SLC4A8: variants seen among roughly 807,000 people sequenced by gnomAD.
SLC4A8 encodes the protein electroneutral sodium bicarbonate exchanger 1.
In SLC4A8, 40 loss-of-function variants were observed where a neutral mutation model predicts 125.0. The ratio of observed to expected loss-of-function variants is 0.32; its 90% confidence interval spans 0.25 to 0.42. The LOEUF (loss-of-function observed/expected upper bound fraction) is 0.42, where lower values mean the gene tolerates loss of function less well. SLC4A8 is among the 10% of genes least tolerant of loss of function. The pLI is 1.00. For synonymous variants in SLC4A8, 456 were observed against 476.0 expected, an observed-to-expected ratio of 0.96 and a Z score of 0.55; for missense variants, 863 against 1,355.1, an observed-to-expected ratio of 0.64 and a Z score of 5.70.
At chr12:51,452,964 G>T (rs1950014343) in intron 4 of SLC4A8, among the ~76,000 whole-genome samples, 1 of 152,172 alleles carries the variant, frequency 6.6e-6, no homozygotes, top group Non-Finnish European at 1.5e-5. Flanking sequence ...CTCTTGCTGG[G>T]TGCCTGCTGT....
At chr12:51,457,870 A>C (rs1297881891) in intron 6 of SLC4A8, among the ~76,000 whole-genome samples, 2 of 152,196 alleles carry the variant, frequency 1.3e-5, no homozygotes, top group Non-Finnish European at 2.9e-5. Flanking sequence ...AGGAGCAAAC[A>C]AATATCTTAG....
At chr12:51,423,307 A>G (rs746642362), upstream of SLC4A8, among the ~76,000 whole-genome samples, 4 of 152,172 alleles carry the variant, frequency 2.6e-5, no homozygotes. Flanking sequence ...TGTTAGGGGT[A>G]TCAGGGACAG....
intron 16 of SLC4A8, among the ~76,000 whole-genome samples, chr12:51,476,906 C>CTTTTTTTTTTTTTTTTTTTTTTTTTT (rs67928969): frequency 8.4e-6 from 1 of 118,538 alleles, no homozygotes; most frequent in Non-Finnish European, 1.8e-5. Flanking sequence ...TTTTTCTTTT[C>CTTTTTTTTTTTTTTTTTTTTTTTTTT]TTTTTTTTTT....
chr12:51,462,054 C>T, intron 9 of SLC4A8: 1 of 359,864 alleles, frequency 2.8e-6, no homozygotes, highest in Non-Finnish European at 5.0e-6. Context: ...CATAATTGTA[C>T]AACTTTAGAC....
chr12:51,400,777 TAC>T (rs1167144192), intron 1 of SLC4A8, among the ~76,000 whole-genome samples: 2,605 of 9,922 alleles, frequency 0.26, 435 homozygotes, highest in Non-Finnish European at 0.32. Context: ...TATATATATA[TAC>T]ATACATACAC....
chr12:51,483,071 G>A (rs559779582), intron 16 of SLC4A8, among the ~76,000 whole-genome samples: 5 of 152,256 alleles, frequency 3.3e-5, no homozygotes, highest in African/African-American at 1.2e-4. Flanking sequence ...CCCAGGTATT[G>A]TTGAGTCTGT....
chr12:51,453,584 G>A lies in SLC4A8; in HGVS notation c.459G>A (p.Trp153Ter). 6.2e-7 allele frequency: 1 copy of A among 1,614,214 alleles called. No homozygotes were observed. The highest frequency in any genetic ancestry group is 8.5e-7 in the Non-Finnish European group (1 of 1,180,028). ...EEDVEDGGER[W>*]SKPYVATLSL... is the part of the protein sequence containing the mutation. ...ATGTTGAAGATGGGGGAGAACGCTG[G>A]AGCAAGCCTTATGTGGCAACCCTTT... The change falls in exon 5 of 25, where the codon TGG (tryptophan) becomes TGA (stop). Residue 153 changes from tryptophan (W) to a stop codon, truncating the protein, a stop_gained. Transcript: ENST00000453097. LOFTEE classifies it high-confidence loss of function.
intron 1 of SLC4A8, among the ~76,000 whole-genome samples, chr12:51,430,005 C>T (rs925911685): frequency 6.6e-6 from 1 of 151,948 alleles, no homozygotes; most frequent in Non-Finnish European, 1.5e-5. Flanking sequence ...TTGGAACTCT[C>T]AGCATTTGAG....
At chr12:51,476,463 A>C (rs903417867) in intron 16 of SLC4A8, among the ~76,000 whole-genome samples, 33 of 152,258 alleles carry the variant, frequency 2.2e-4, no homozygotes, top group African/African-American at 7.2e-4. Flanking sequence ...CCTGGGCGAC[A>C]GAGTGAGACT....
chr12:51,421,815 G>A (rs1241828888), upstream of SLC4A8: 1 of 152,194 alleles, frequency 6.6e-6, no homozygotes, highest in Non-Finnish European at 1.5e-5. Flanking sequence ...AAGAACTCTA[G>A]AATCAGAGAG....
At chr12:51,503,979 C>A in intron 22 of SLC4A8, 50 bp from the exon 23 acceptor site, 2 of 1,020,166 alleles carry the variant, frequency 2.0e-6, no homozygotes, top group African/African-American at 1.6e-5. Flanking sequence ...GGCTGGTGAA[C>A]TTATGGTCTT....
At chr12:51,492,857 C>A (rs1298378123) in intron 19 of SLC4A8, among the ~76,000 whole-genome samples, 1 of 151,266 alleles carries the variant, frequency 6.6e-6, no homozygotes, top group Non-Finnish European at 1.5e-5. Flanking sequence ...CACCCCCCAA[C>A]AGGCCCTGGT....
chr12:51,411,601 A>C lies in SLC4A8; in HGVS notation c.-112+20113A>C, dbSNP rs551472551. 6.0e-5 allele frequency among the ~76,000 whole-genome samples: 9 copies of C among 150,188 alleles called. No individual in the cohort carries two copies. The South Asian group carries it at 1.5e-3, about 25-fold the overall frequency. ...TGAGACCCTGCCACACACACACACA[A>C]GTCTTTTTTAAGTTATTTTGTGGCT... On this transcript the variant is annotated intron_variant, in intron 1 of 24. Coordinates refer to the SLC4A8 transcript ENST00000358657.
intron 20 of SLC4A8, chr12:51,494,664 C>T: frequency 3.7e-6 from 1 of 271,116 alleles, no homozygotes; most frequent in Non-Finnish European, 6.9e-6. Context: ...ATTTTGTTTT[C>T]AACACCCCCT....
intron 4 of SLC4A8, among the ~76,000 whole-genome samples, chr12:51,453,237 A>C (rs1224830561): frequency 6.6e-6 from 1 of 152,228 alleles, no homozygotes; most frequent in Non-Finnish European, 1.5e-5. Flanking sequence ...AGAAGAAAAA[A>C]ATTATCTGTA....
chr12:51,460,696 A>C (rs549745380), intron 8 of SLC4A8, among the ~76,000 whole-genome samples: 59 of 152,338 alleles, frequency 3.9e-4, no homozygotes, highest in African/African-American at 1.4e-3. Context: ...ATATGCAAAC[A>C]TTTGTTCAAA....
chr12:51,449,826 G>T (rs896048450), intron 2 of SLC4A8, among the ~76,000 whole-genome samples: 1 of 152,040 alleles, frequency 6.6e-6, no homozygotes, highest in Non-Finnish European at 1.5e-5. Flanking sequence ...GATTGCTTGG[G>T]GCAATCAGCT....
At chr12:51,485,743 T>C (rs1251981422) in intron 16 of SLC4A8, 44 bp from the exon 17 acceptor site, 1 of 1,090,760 alleles carries the variant, frequency 9.2e-7, no homozygotes, top group South Asian at 1.3e-5. Flanking sequence ...TTTTCTACTG[T>C]ATTTAACCTG....
intron 16 of SLC4A8, chr12:51,479,981 T>C (rs890607084): frequency 8.2e-5 from 33 of 401,824 alleles, no homozygotes; most frequent in Non-Finnish European, 1.3e-4. Context: ...TTTTTTTTTT[T>C]TTTTTTTCAG....
Sources: gnomAD v4.1 joint callset for allele counts (sites outside exome capture counted in the v4.1 genomes callset) on GRCh38, gnomAD v4.1.1 for gene constraint, MANE v1.5 for transcripts, NCBI Gene and HGNC (gene_info 2026-07-23, HGNC 2026-07-21) for gene names.